The following ADAM10 variants were observed in gnomAD, a reference collection of about 807,000 sequenced individuals.
ADAM10 encodes ADAM metallopeptidase domain 10, also known as disintegrin and metalloproteinase domain-containing protein 10.
Under a neutral mutation model 90.1 loss-of-function variants are expected in ADAM10, and 17 were observed. The ratio of observed to expected loss-of-function variants is 0.19; its 90% confidence interval spans 0.13 to 0.28. ADAM10 has a LOEUF of 0.28. ADAM10 is among the 10% of genes least tolerant of loss of function. The probability of loss-of-function intolerance (pLI) is 1.00; values close to 1 mark genes in which losing one functional copy is unlikely to be tolerated. For missense variants in ADAM10, 610 were observed against 914.3 expected (o/e 0.67, Z 4.29); for synonymous variants, 310 against 298.6 (o/e 1.04, Z -0.40).
At chr15:58,689,407 AC>A (rs1897711601) in intron 2 of ADAM10, among the ~76,000 whole-genome samples, 1 of 152,022 alleles carries the variant, frequency 6.6e-6, no homozygotes, top group Non-Finnish European at 1.5e-5. Context: ...AATTGCTTGA[AC>A]CCAGGAGGCA....
intron 1 of ADAM10, chr15:58,748,155 G>A (rs887665433): frequency 1.3e-5 from 2 of 152,086 alleles, no homozygotes; most frequent in East Asian, 1.9e-4. Context: ...TAAATAAAAC[G>A]TGTAACAAAA....
Position 58,611,065 on chromosome 15 carries a change from A to C in ADAM10, c.1738T>G (p.Cys580Gly). Residue 580 changes from cysteine (C) to glycine (G), a missense_variant, in exon 13 of 16, where the codon TGT (cysteine) becomes GGT (glycine). Physicochemically the swap from Cys to Gly is radical, Grantham distance 159 (BLOSUM62 -3). Transcript: ENST00000260408. ...TTGCCATCAGAACTGGCACACGTAC[A>C]CTCCTCTAAGCCATATTTCTCACAG... ...SICEKYGLEE[C>G]TCASSDGKDD... 1 of 1,613,934 alleles carries C rather than the reference A, an allele frequency of 6.2e-7. No homozygotes were observed. Among genetic ancestry groups the C allele is most frequent in the Non-Finnish European group, 8.5e-7 (1 of 1,179,900 alleles).
In ADAM10 at chr15:58,632,957, G is replaced by A. The variant is rs374380490; in HGVS notation, c.1176+239C>T. ...AGATATAGATATTTTGTCTGAATAA[G>A]CCAGATGAAATCCCTTGCCTTCACA... On this transcript the variant is annotated intron_variant, in intron 9 of 15. Transcript: ENST00000260408. 5.3e-5 allele frequency among the ~76,000 whole-genome samples: 8 copies of A among 152,160 alleles called. No homozygotes were observed. The East Asian group carries it at 9.6e-4, about 18-fold the overall frequency.
intron 4 of ADAM10, among the ~76,000 whole-genome samples, chr15:58,674,468 A>T (rs1208788936): frequency 2.0e-5 from 3 of 152,320 alleles, no homozygotes; most frequent in African/African-American, 7.2e-5. Flanking sequence ...CAGATTTCCA[A>T]TCTCCAGACT....
At chr15:58,646,254 A>G (rs754449350) in intron 5 of ADAM10, 50 bp from the exon 6 acceptor site, 2 of 1,528,650 alleles carry the variant, frequency 1.3e-6, no homozygotes, top group Middle Eastern at 1.9e-4. Flanking sequence ...CAATACTATC[A>G]TTTTATCTAA....
At chr15:58,673,915 T>C (rs1289729917) in intron 4 of ADAM10, among the ~76,000 whole-genome samples, 1 of 152,152 alleles carries the variant, frequency 6.6e-6, no homozygotes, top group South Asian at 2.1e-4. Flanking sequence ...TTTGTATTTT[T>C]AGTAGAGACG....
chr15:58,725,163 C>A (rs965981146), intron 1 of ADAM10, among the ~76,000 whole-genome samples: 2 of 151,908 alleles, frequency 1.3e-5, no homozygotes, highest in Admixed American at 6.6e-5. Flanking sequence ...ACACTCCAGC[C>A]TGGGCAACAG....
Position 58,591,660 on chromosome 15 carries a change from A to G in ADAM10, c.*5887T>C, listed in dbSNP as rs1340001242. 6.6e-6 allele frequency: 1 copy of G among 152,212 alleles called. No individual in the cohort carries two copies. Among genetic ancestry groups the G allele is most frequent in the Non-Finnish European group, 1.5e-5 (1 of 68,034 alleles). The allele number at this position is 152,212 out of a possible 1,614,324, so 9.4% of individuals were successfully genotyped here. On this transcript the variant is annotated 3_prime_UTR_variant, in exon 16 of 16. Transcript: ENST00000260408. Reference sequence around the variant, plus strand: ...TGCCCATCACCCAGCTTCAATAATTATCAACTCACAGCCAATCTTGTTTCA... The same window carrying G: ...TGCCCATCACCCAGCTTCAATAATTGTCAACTCACAGCCAATCTTGTTTCA...
At chr15:58,682,407 G>A (rs1202435070) in intron 2 of ADAM10, 93 bp from the exon 3 acceptor site, 32 of 1,499,712 alleles carry the variant, frequency 2.1e-5, no homozygotes, top group Non-Finnish European at 2.8e-5. Context: ...TACAAAATGT[G>A]GACTGTTATG....
At chr15:58,638,864 G>C (rs1194899912) in intron 8 of ADAM10, among the ~76,000 whole-genome samples, 1 of 152,076 alleles carries the variant, frequency 6.6e-6, no homozygotes, top group Non-Finnish European at 1.5e-5. Flanking sequence ...AACTGTCAGG[G>C]GAGGGAGGAA....
intron 1 of ADAM10, among the ~76,000 whole-genome samples, chr15:58,730,722 C>T (rs940751690): frequency 1.8e-4 from 28 of 152,288 alleles, no homozygotes; most frequent in Non-Finnish European, 1.6e-4. Flanking sequence ...AGGGTGCTTC[C>T]AGTGAAGACT....
At chr15:58,698,555 AAC>A (rs1224334496) in intron 2 of ADAM10, among the ~76,000 whole-genome samples, 1 of 148,470 alleles carries the variant, frequency 6.7e-6, no homozygotes, top group Non-Finnish European at 1.5e-5. Context: ...TAGCCTGGGC[AAC>A]AGAGTGAGAC....
intron 1 of ADAM10, among the ~76,000 whole-genome samples, chr15:58,726,363 G>C (rs936874790): frequency 2.0e-5 from 3 of 151,746 alleles, no homozygotes; most frequent in African/African-American, 7.3e-5. Flanking sequence ...CGAGGAGTTC[G>C]AGACCAGCCT....
At chr15:58,741,856 T>C (rs554306238) in intron 1 of ADAM10, among the ~76,000 whole-genome samples, 24 of 152,324 alleles carry the variant, frequency 1.6e-4, no homozygotes, top group Admixed American at 6.5e-4. Context: ...ATAGTTATCA[T>C]GGCCTAGAAT....
intron 14 of ADAM10, 137 bp from the exon 15 acceptor site, chr15:58,599,861 C>T: frequency 1.3e-6 from 1 of 785,278 alleles, no homozygotes; most frequent in Non-Finnish European, 2.0e-6. Context: ...GAGTTGTATA[C>T]ATATGTTAGA....
intron 14 of ADAM10, among the ~76,000 whole-genome samples, chr15:58,606,808 T>G (rs1046775477): frequency 3.3e-5 from 5 of 152,224 alleles, no homozygotes; most frequent in African/African-American, 9.6e-5. Context: ...ATGCTGATGC[T>G]GCTTCTCAGG....
At chr15:58,739,238 G>C (rs1321787104) in intron 1 of ADAM10, among the ~76,000 whole-genome samples, 1 of 152,054 alleles carries the variant, frequency 6.6e-6, no homozygotes, top group African/African-American at 2.4e-5. Flanking sequence ...CGGGCGCGGT[G>C]GCTCACGCCT....
At chr15:58,633,741 T>A (rs1434869287) in intron 8 of ADAM10, among the ~76,000 whole-genome samples, 1 of 152,198 alleles carries the variant, frequency 6.6e-6, no homozygotes, top group East Asian at 1.9e-4. Flanking sequence ...AGAAATCTTA[T>A]GATTTAAGTT....
At chr15:58,670,306 T>G (rs1897165406) in intron 4 of ADAM10, among the ~76,000 whole-genome samples, 1 of 151,974 alleles carries the variant, frequency 6.6e-6, no homozygotes, top group Non-Finnish European at 1.5e-5. Context: ...GGTGTAAGAG[T>G]ATAAATCTGT....
Sources: gnomAD v4.1 joint callset for allele counts (sites outside exome capture counted in the v4.1 genomes callset) on GRCh38, gnomAD v4.1.1 for gene constraint, MANE v1.5 for transcripts, NCBI Gene and HGNC (gene_info 2026-07-23, HGNC 2026-07-21) for gene names.